The following KANK1 variants were observed in gnomAD, a reference collection of about 807,000 sequenced individuals.
KANK1 encodes the protein KN motif and ankyrin repeat domain-containing protein 1.
Under a neutral mutation model 106.2 loss-of-function variants are expected in KANK1, and 109 were observed. The ratio of observed to expected loss-of-function variants is 1.03; its 90% CI spans 0.88 to 1.20. The LOEUF (loss-of-function observed/expected upper bound fraction) is 1.20. KANK1 is among the 50% of genes most tolerant of loss of function. The pLI, the probability that KANK1 is intolerant of heterozygous loss-of-function variation, is 0.00. For missense variants in KANK1, 2,399 were observed against 1,710.7 expected (o/e 1.40, Z -7.10); for synonymous variants, 873 against 652.2 (o/e 1.34, Z -5.16).
chr9:637,070 T>C (rs1347212458), intron 1 of KANK1, among the ~76,000 whole-genome samples: 1 of 152,208 alleles, frequency 6.6e-6, no homozygotes, highest in Non-Finnish European at 1.5e-5. Flanking sequence ...CTCTCCATTT[T>C]TTGACAGTTT....
At chr9:496,584 A>G (rs1189154028) in intron 3 of KANK1, among the ~76,000 whole-genome samples, 1 of 152,188 alleles carries the variant, frequency 6.6e-6, no homozygotes, top group Non-Finnish European at 1.5e-5. Flanking sequence ...AAATAAATTC[A>G]TAAATAAATA....
intron 1 of KANK1, among the ~76,000 whole-genome samples, chr9:553,318 G>A (rs1435909679): frequency 3.9e-5 from 6 of 152,162 alleles, no homozygotes; most frequent in Non-Finnish European, 8.8e-5. Context: ...TAAAATTACT[G>A]TGGAGCATTG....
At chr9:592,263 A>G (rs1346884787) in intron 1 of KANK1, among the ~76,000 whole-genome samples, 1 of 151,934 alleles carries the variant, frequency 6.6e-6, no homozygotes, top group African/African-American at 2.4e-5. Context: ...TAGATAAGTT[A>G]GTTTACTTAG....
chr9:663,632 G>T (rs966031375), intron 1 of KANK1, among the ~76,000 whole-genome samples: 2 of 152,134 alleles, frequency 1.3e-5, no homozygotes, highest in Admixed American at 6.5e-5. Flanking sequence ...AGGTTTTCAT[G>T]ATCTGATAAA....
intron 1 of KANK1, among the ~76,000 whole-genome samples, chr9:555,868 C>G (rs1435176605): frequency 6.6e-6 from 1 of 152,092 alleles, no homozygotes; most frequent in African/African-American, 2.4e-5. Flanking sequence ...GCCGACAACC[C>G]CTTCTGTTTA....
intron 1 of KANK1, among the ~76,000 whole-genome samples, chr9:573,438 T>A (rs867792019): frequency 6.6e-6 from 1 of 151,828 alleles, no homozygotes; most frequent in Non-Finnish European, 1.5e-5. Flanking sequence ...CGTGGCTAAT[T>A]TTTTTGTATT....
At chr9:644,723 A>G (rs1450892177) in intron 1 of KANK1, among the ~76,000 whole-genome samples, 1 of 151,040 alleles carries the variant, frequency 6.6e-6, no homozygotes, top group South Asian at 2.1e-4. Flanking sequence ...ATTACTGTTC[A>G]ACATGAGACT....
At chr9:742,118 T>TC (rs1485374173) in intron 9 of KANK1, 87 bp from the exon 10 acceptor site, 1 of 1,128,918 alleles carries the variant, frequency 8.9e-7, no homozygotes, top group Non-Finnish European at 1.3e-6. Flanking sequence ...ACCACACTCT[T>TC]CCCCCTTTCC....
chr9:640,309 C>T (rs1257009225), intron 1 of KANK1, among the ~76,000 whole-genome samples: 2 of 150,866 alleles, frequency 1.3e-5, no homozygotes, highest in African/African-American at 4.9e-5. Context: ...GATCTCGGCT[C>T]TCTGCAGCCT....
At chr9:481,064 C>T (rs1433762617) in intron 3 of KANK1, among the ~76,000 whole-genome samples, 1 of 152,136 alleles carries the variant, frequency 6.6e-6, no homozygotes, top group Non-Finnish European at 1.5e-5. Flanking sequence ...CTTACATGAG[C>T]CTACAATTGG....
intron 1 of KANK1, among the ~76,000 whole-genome samples, chr9:545,375 T>G (rs1353140139): frequency 6.6e-6 from 1 of 152,130 alleles, no homozygotes; most frequent in Non-Finnish European, 1.5e-5. Context: ...CATTTGAAGT[T>G]CAGAAAAGAG....
chr9:629,334 C>T (rs530719926), intron 1 of KANK1, among the ~76,000 whole-genome samples: 6 of 152,160 alleles, frequency 3.9e-5, no homozygotes, highest in Admixed American at 1.3e-4. Flanking sequence ...GAGTGGGTCA[C>T]GAGTCACTCT....
chr9:744,438 G>A, intron 10 of KANK1, 53 bp from the exon 11 acceptor site: 1 of 1,578,028 alleles, frequency 6.3e-7, no homozygotes, highest in South Asian at 1.1e-5. Flanking sequence ...CCTTTCGGTT[G>A]TCTGGAGGTT....
chr9:563,360 T>A lies in KANK1; in HGVS notation c.-84+58606T>A, dbSNP rs139958945. Among the ~76,000 whole-genome samples, 324 of 152,330 alleles carry A rather than the reference T, an allele frequency of 2.1e-3. 2 individuals carry two copies. Among genetic ancestry groups the A allele is most frequent in the African/African-American group, 7.3e-3 (302 of 41,564 alleles). The stretch of plus-strand genomic sequence containing the variant: ...TGGTCTTAAACTGTGAATATTCCAT[T>A]AACTGAGAACTCTGAACAGCCATTG... On this transcript the variant is annotated intron_variant, in intron 1 of 11. Coordinates refer to ENST00000382297, the MANE Select transcript of KANK1 (RefSeq NM_015158.5).
intron 8 of KANK1, among the ~76,000 whole-genome samples, chr9:740,411 G>A (rs187981811): frequency 6.6e-6 from 1 of 152,268 alleles, no homozygotes; most frequent in African/African-American, 2.4e-5. Flanking sequence ...CTTCGTTCAT[G>A]AATAGCTCAC....
chr9:556,565 T>G (rs1297219974), intron 1 of KANK1, among the ~76,000 whole-genome samples: 1 of 152,244 alleles, frequency 6.6e-6, no homozygotes, highest in Admixed American at 6.5e-5. Context: ...TTTTGCTTTT[T>G]AGTAACTGTT....
intron 1 of KANK1, among the ~76,000 whole-genome samples, chr9:633,483 A>C (rs1588434269): frequency 6.6e-6 from 1 of 151,708 alleles, no homozygotes; most frequent in East Asian, 1.9e-4. Context: ...CAAAAAAAAC[A>C]CCTTTTTTTG....
At chr9:684,498 G>A (rs907564778) in intron 2 of KANK1, 27 of 985,330 alleles carry the variant, frequency 2.7e-5, no homozygotes, top group Non-Finnish European at 8.4e-6. Flanking sequence ...TGGGTAGCCA[G>A]TCAAAGGGTT....
At chr9:736,854 C>T (rs1414917109) in intron 7 of KANK1, among the ~76,000 whole-genome samples, 1 of 152,214 alleles carries the variant, frequency 6.6e-6, no homozygotes, top group African/African-American at 2.4e-5. Flanking sequence ...TTAACCTAAA[C>T]TTAAAACTGG....
Sources: gnomAD v4.1 joint callset for allele counts (sites outside exome capture counted in the v4.1 genomes callset) on GRCh38, gnomAD v4.1.1 for gene constraint, MANE v1.5 for transcripts, NCBI Gene and HGNC (gene_info 2026-07-23, HGNC 2026-07-21) for gene names.